The following GRID1 variants were observed in gnomAD, a reference collection of about 807,000 sequenced individuals.
GRID1 encodes glutamate ionotropic receptor delta type subunit 1.
A neutral mutation model predicts 98.0 loss-of-function variants in GRID1; 28 were observed. That is an observed-to-expected ratio of 0.29 (90% confidence interval 0.21 to 0.39). The LOEUF is 0.39. Ranked by LOEUF, GRID1 falls within the 10% of genes least tolerant of loss-of-function variation. The pLI, the probability that GRID1 is intolerant of heterozygous loss-of-function variation, is 1.00. For synonymous variants in GRID1, 553 were observed against 538.5 expected (o/e 1.03, Z -0.37); for missense variants, 1,111 against 1,340.5 (o/e 0.83, Z 2.67).
chr10:86,124,724 A>G (rs1469719162), intron 4 of GRID1, among the ~76,000 whole-genome samples: 1 of 152,216 alleles, frequency 6.6e-6, no homozygotes, highest in African/African-American at 2.4e-5. Flanking sequence ...CAGGGTCTAG[A>G]ACAGAGCCTA....
chr10:85,824,381 T>G (rs1465211904), intron 8 of GRID1, among the ~76,000 whole-genome samples: 1 of 152,026 alleles, frequency 6.6e-6, no homozygotes, highest in Non-Finnish European at 1.5e-5. Flanking sequence ...CTAGTTAATT[T>G]TTGTATTTCT....
At chr10:85,691,231 G>A (rs1841328316) in intron 12 of GRID1, among the ~76,000 whole-genome samples, 1 of 152,160 alleles carries the variant, frequency 6.6e-6, no homozygotes, top group Non-Finnish European at 1.5e-5. Context: ...ATGCCACCCA[G>A]TATTCCTTAA....
chr10:85,755,257 A>G (rs1232759592), intron 8 of GRID1, among the ~76,000 whole-genome samples: 2 of 152,206 alleles, frequency 1.3e-5, no homozygotes, highest in African/African-American at 2.4e-5. Flanking sequence ...AGCAGCCACA[A>G]TGTATTATTT....
chr10:85,869,751 T>G (rs1011461808), intron 5 of GRID1, among the ~76,000 whole-genome samples: 2 of 152,260 alleles, frequency 1.3e-5, no homozygotes, highest in East Asian at 3.9e-4. Context: ...CAGAAAAAAA[T>G]CAGGCCCTAT....
chr10:86,198,135 A>G (rs146793985), intron 3 of GRID1, among the ~76,000 whole-genome samples: 131 of 152,202 alleles, frequency 8.6e-4, no homozygotes, highest in African/African-American at 3.1e-3. Flanking sequence ...TCTTCCACGG[A>G]ATTTTACTTC....
chr10:86,362,593 C>G (rs1188612165), intron 2 of GRID1, among the ~76,000 whole-genome samples: 4 of 152,164 alleles, frequency 2.6e-5, no homozygotes, highest in East Asian at 1.9e-4. Context: ...CCTTCAGTCC[C>G]CAGAAGTAGT....
intron 4 of GRID1, among the ~76,000 whole-genome samples, chr10:86,009,831 G>A (rs771216693): frequency 3.3e-5 from 5 of 152,146 alleles, no homozygotes; most frequent in Non-Finnish European, 5.9e-5. Flanking sequence ...TGGAGAAAAA[G>A]GAGAACTAAC....
chr10:85,756,212 C>T (rs878868396), intron 8 of GRID1, among the ~76,000 whole-genome samples: 3 of 152,142 alleles, frequency 2.0e-5, no homozygotes, highest in Non-Finnish European at 2.9e-5. Context: ...GCACTGTGGC[C>T]GTAAATTTGC....
chr10:86,328,374 T>C (rs1848083672), intron 2 of GRID1, among the ~76,000 whole-genome samples: 1 of 152,234 alleles, frequency 6.6e-6, no homozygotes, highest in African/African-American at 2.4e-5. Flanking sequence ...TTGTGTATTA[T>C]TTGTGACATT....
chr10:85,879,531 TA>T (rs1187618209), intron 5 of GRID1, among the ~76,000 whole-genome samples: 16 of 152,170 alleles, frequency 1.1e-4, no homozygotes, highest in African/African-American at 3.9e-4. Context: ...ACTGGGGACA[TA>T]ATGAAAGGAA....
intron 4 of GRID1, among the ~76,000 whole-genome samples, chr10:86,011,685 T>C (rs193151677): frequency 2.6e-5 from 4 of 152,314 alleles, no homozygotes; most frequent in African/African-American, 7.2e-5. Context: ...ATGGAAGCAC[T>C]TGCCAGAATT....
chr10:85,942,410 G>A (rs1029084924), intron 4 of GRID1, among the ~76,000 whole-genome samples: 1 of 152,178 alleles, frequency 6.6e-6, no homozygotes, highest in South Asian at 2.1e-4. Flanking sequence ...GTCTCCAACT[G>A]TCTGGGGCCT....
At chr10:85,817,320 G>T (rs1450413879) in intron 8 of GRID1, among the ~76,000 whole-genome samples, 1 of 151,706 alleles carries the variant, frequency 6.6e-6, no homozygotes, top group Non-Finnish European at 1.5e-5. Context: ...TTGGGTCCAG[G>T]AGTTCCAGAC....
At chr10:85,852,525 A>G (rs1335884106) in intron 8 of GRID1, among the ~76,000 whole-genome samples, 1 of 152,208 alleles carries the variant, frequency 6.6e-6, no homozygotes, top group East Asian at 1.9e-4. Context: ...CATTCCCACC[A>G]AAAGAAGTAG....
chr10:86,116,473 G>C (rs1470031090), intron 4 of GRID1, among the ~76,000 whole-genome samples: 1 of 152,090 alleles, frequency 6.6e-6, no homozygotes, highest in Non-Finnish European at 1.5e-5. Flanking sequence ...CAAACAGCTG[G>C]AAGGATCAGG....
rs183389437 is a variant in GRID1, at chr10:86,222,258, A to T, written c.236-15610T>A. On this transcript the variant is annotated intron_variant, in intron 2 of 15. Coordinates refer to ENST00000327946, the MANE Select transcript of GRID1 (RefSeq NM_017551.3). Reference sequence around the variant, plus strand: ...CATGGCTAGTGGGGAGTGAGCTAGGACAAGAACTCAGGGCTTCCAAGGGGC... The same window carrying T: ...CATGGCTAGTGGGGAGTGAGCTAGGTCAAGAACTCAGGGCTTCCAAGGGGC... 3.9e-5 allele frequency among the ~76,000 whole-genome samples: 6 copies of T among 152,278 alleles called. No individual in the cohort carries two copies. The East Asian group carries it at 1.2e-3, about 29-fold the overall frequency.
chr10:85,909,095 A>C (rs1263433809), intron 5 of GRID1, among the ~76,000 whole-genome samples: 1 of 152,236 alleles, frequency 6.6e-6, no homozygotes, highest in Non-Finnish European at 1.5e-5. Flanking sequence ...TAATAAGAAA[A>C]CAAAAAATCC....
intron 3 of GRID1, 98 bp from the exon 4 acceptor site, chr10:86,139,122 C>A: frequency 1.2e-6 from 1 of 813,842 alleles, no homozygotes; most frequent in Non-Finnish European, 2.0e-6. Flanking sequence ...CCATGCAGGC[C>A]ACCACGAAAA....
At chr10:85,984,007 G>A (rs191001541) in intron 4 of GRID1, among the ~76,000 whole-genome samples, 134 of 152,068 alleles carry the variant, frequency 8.8e-4, no homozygotes, top group African/African-American at 3.0e-3. Flanking sequence ...CTCTGGACAC[G>A]TGAGTGTCAG....
Sources: gnomAD v4.1 joint callset for allele counts (sites outside exome capture counted in the v4.1 genomes callset) on GRCh38, gnomAD v4.1.1 for gene constraint, MANE v1.5 for transcripts, NCBI Gene and HGNC (gene_info 2026-07-23, HGNC 2026-07-21) for gene names.